Variants in NSD2 observed in about 807,000 individuals in gnomAD.
NSD2 encodes the protein nuclear receptor binding SET domain protein 2.
NSD2 carries 12 observed loss-of-function variants against 139.0 expected under a neutral mutation model. The observed-to-expected ratio is 0.09, with a 90% CI of 0.06 to 0.14. The LOEUF (loss-of-function observed/expected upper bound fraction) is 0.14. NSD2 is among the 10% of genes least tolerant of loss of function. The pLI, the probability that NSD2 is intolerant of heterozygous loss-of-function variation, is 1.00. For missense variants in NSD2, 1,155 were observed against 1,745.0 expected (o/e 0.66, Z 6.02); for synonymous variants, 669 against 648.7 (o/e 1.03, Z -0.48).
rs1000296737 is a variant in NSD2, at chr4:1,980,150, A to C, written c.*1241A>C. The C allele has an allele frequency of 1.7e-5, 4 of 233,242 alleles. No homozygotes were observed. Among genetic ancestry groups the C allele is most frequent in the Non-Finnish European group, 3.4e-5 (4 of 118,084 alleles). The allele number at this position is 233,242 out of a possible 1,614,324, so 14.4% of individuals were successfully genotyped here. ...CGTGCCTCGTACGTGTGTTATGGGCACTGGTCTAGGCCAGGTATGACACCC... is the reference window on the plus strand; with the variant it reads ...CGTGCCTCGTACGTGTGTTATGGGCCCTGGTCTAGGCCAGGTATGACACCC... On this transcript the variant is annotated 3_prime_UTR_variant, in exon 22 of 22. Transcript: ENST00000508803.
chr4:1,930,360 T>A (rs1721497082), intron 5 of NSD2, among the ~76,000 whole-genome samples: 1 of 152,092 alleles, frequency 6.6e-6, no homozygotes, highest in Admixed American at 6.5e-5. Context: ...ATATATATAT[T>A]TTTATCATTT....
chr4:1,898,186 A>G (rs888897692), intron 1 of NSD2, among the ~76,000 whole-genome samples: 1 of 152,100 alleles, frequency 6.6e-6, no homozygotes, highest in African/African-American at 2.4e-5. Flanking sequence ...TCTTGGACTC[A>G]AGCGATCCTC....
chr4:1,942,009 G>A lies in NSD2; in HGVS notation c.1881+2231G>A, dbSNP rs144443308. The A allele has an allele frequency of 7.5e-5, 86 of 1,140,010 alleles. No homozygotes were observed. In the African/African-American group the frequency reaches 1.2e-3, roughly 16 times the overall value. The allele number at this position is 1,140,010 out of a possible 1,614,324, so 70.6% of individuals were successfully genotyped here. On this transcript the variant is annotated intron_variant, in intron 9 of 21. Transcript: ENST00000508803. The surrounding 1 kb of genome is among the most constrained non-coding windows in gnomAD (Gnocchi z 4.0). ...GGTCCACACTGACACACACCCATTG[G>A]GTCACACCCCCTTTGCATGTTTGTA...
At chr4:1,884,990 A>G (rs572398513) in intron 1 of NSD2, among the ~76,000 whole-genome samples, 1 of 152,002 alleles carries the variant, frequency 6.6e-6, no homozygotes, top group Non-Finnish European at 1.5e-5. Context: ...GCAACCTGTA[A>G]TCTCAGCTAC....
intron 9 of NSD2, chr4:1,941,574 G>A: frequency 9.6e-7 from 1 of 1,039,146 alleles, no homozygotes; most frequent in Non-Finnish European, 1.2e-6. Flanking sequence ...CAGAATGTCA[G>A]AAGTTGATAG....
At position 1,976,129 on chromosome 4, in the gene NSD2, C is replaced by T. The variant is rs1727053656; in HGVS notation, c.3622-346C>T. Among the ~76,000 whole-genome samples the T allele has an allele frequency of 6.6e-6, 1 of 152,178 alleles. No individual in the cohort carries two copies. The highest frequency in any genetic ancestry group is 1.5e-5 in the Non-Finnish European group (1 of 68,018). Reference sequence around the variant, plus strand: ...TGTGGAATTTCCTAATGAGGAGACCCTGGGTGGCGGGCGGGAGCTGTTCTG... The same window carrying T: ...TGTGGAATTTCCTAATGAGGAGACCTTGGGTGGCGGGCGGGAGCTGTTCTG... On this transcript the variant is annotated intron_variant, in intron 20 of 21. Transcript: ENST00000508803. This position sits in a 1 kb window ranked among gnomAD's most constrained non-coding sequence, Gnocchi z 5.3.
chr4:1,931,236 T>C (rs1376095937), intron 6 of NSD2, among the ~76,000 whole-genome samples: 1 of 152,014 alleles, frequency 6.6e-6, no homozygotes, highest in African/African-American at 2.4e-5. Flanking sequence ...GGGTCCGGAG[T>C]GTGGGCAGCT....
At chr4:1,891,701 A>G (rs1214781437) in intron 1 of NSD2, among the ~76,000 whole-genome samples, 2 of 151,932 alleles carry the variant, frequency 1.3e-5, no homozygotes, top group African/African-American at 4.8e-5. Context: ...AAATACAAAA[A>G]TAAAAATTAG....
At chr4:1,939,337 T>G in intron 8 of NSD2, 1 of 339,694 alleles carries the variant, frequency 2.9e-6, no homozygotes, top group Non-Finnish European at 5.5e-6. Context: ...GCTAAACTTC[T>G]TATGGATGAA....
chr4:1,935,231 G>T lies in NSD2; in HGVS notation c.1643G>T (p.Arg548Ile). 6.2e-7 allele frequency: 1 copy of T among 1,613,494 alleles called. No individual in the cohort carries two copies. The highest frequency in any genetic ancestry group is 8.5e-7 in the Non-Finnish European group (1 of 1,179,622). ...DAEAEDTPRK[R>I]LRTDKHSLRK... Reference sequence around the variant, plus strand: ...GAAGCTGAGGACACACCCAGGAAAAGACTCAGGACGGACAAGCACAGTCTT... The same window carrying T: ...GAAGCTGAGGACACACCCAGGAAAATACTCAGGACGGACAAGCACAGTCTT... Residue 548 changes from arginine (R) to isoleucine (I), a missense_variant, in exon 7 of 22, where the codon AGA becomes ATA. Physicochemically the swap from Arg to Ile is moderately conservative, Grantham distance 97 (BLOSUM62 -3). Coordinates refer to ENST00000508803, the MANE Select transcript of NSD2 (RefSeq NM_001042424.3).
chr4:1,877,023 G>C (rs1186850715), intron 1 of NSD2, among the ~76,000 whole-genome samples: 1 of 151,918 alleles, frequency 6.6e-6, no homozygotes, highest in Middle Eastern at 3.2e-3. Context: ...TGTAATCCCA[G>C]CTACTCGGGA....
At chr4:1,910,508 C>T (rs1462136441) in intron 3 of NSD2, among the ~76,000 whole-genome samples, 2 of 152,070 alleles carry the variant, frequency 1.3e-5, no homozygotes, top group Non-Finnish European at 2.9e-5. Flanking sequence ...ACTCACTGGT[C>T]TCTTTAGGTA....
Position 1,974,791 on chromosome 4 carries a change from A to G in NSD2, c.3373-72A>G, listed in dbSNP as rs758030026. ...CACAACTTGTTCAATGTGCTTTATG[A>G]TGGTGAAAATTCCCTTTAAAAATAA... On this transcript the variant is annotated intron_variant, in intron 18 of 21. Transcript: ENST00000508803. This position sits in a 1 kb window ranked among gnomAD's most constrained non-coding sequence, Gnocchi z 4.0. The G allele has an allele frequency of 3.1e-6, 5 of 1,599,890 alleles. No homozygotes were observed. Among genetic ancestry groups the G allele is most frequent in the Non-Finnish European group, 4.3e-6 (5 of 1,168,122 alleles).
chr4:1,927,929 T>C (rs1577463961), intron 5 of NSD2, among the ~76,000 whole-genome samples: 1 of 151,930 alleles, frequency 6.6e-6, no homozygotes, highest in East Asian at 1.9e-4. Context: ...TCTTACTGTT[T>C]CCCAGGCTGG....
chr4:1,934,487 C>T (rs1361437951), intron 6 of NSD2, among the ~76,000 whole-genome samples: 1 of 151,338 alleles, frequency 6.6e-6, no homozygotes, highest in East Asian at 1.9e-4. Flanking sequence ...GAGCGAAACT[C>T]CATCTCAAAA....
intron 5 of NSD2, among the ~76,000 whole-genome samples, chr4:1,928,640 C>T (rs2108847061): frequency 6.6e-6 from 1 of 152,144 alleles, no homozygotes; most frequent in Admixed American, 6.5e-5. Flanking sequence ...GAGGTGGCTG[C>T]AGGGCGCTTG....
At chr4:1,953,610 G>A in intron 12 of NSD2, 86 bp downstream of exon 12, 1 of 1,466,980 alleles carries the variant, frequency 6.8e-7, no homozygotes, top group Non-Finnish European at 9.1e-7. Context: ...TGGGCTGTTG[G>A]GATTGTCACC....
At chr4:1,964,626 C>CGCT (rs1725690587) in intron 18 of NSD2, among the ~76,000 whole-genome samples, 1 of 150,760 alleles carries the variant, frequency 6.6e-6, no homozygotes, top group African/African-American at 2.4e-5. Flanking sequence ...CAAAGAGGTG[C>CGCT]GCTGCGCTGC....
At chr4:1,945,940 T>G in intron 9 of NSD2, 4 of 1,054,710 alleles carry the variant, frequency 3.8e-6, no homozygotes, top group Non-Finnish European at 4.6e-6. Context: ...CCTTTTAAAT[T>G]TTTAATTAAT....
Sources: gnomAD v4.1 joint callset for allele counts (sites outside exome capture counted in the v4.1 genomes callset) on GRCh38, gnomAD v4.1.1 for gene constraint, Gnocchi (gnomAD v3.1) non-coding constraint, MANE v1.5 for transcripts, NCBI Gene and HGNC (gene_info 2026-07-23, HGNC 2026-07-21) for gene names.